Variants in CSMD3 observed in about 807,000 individuals in gnomAD.
The protein encoded by CSMD3 is CUB and sushi domain-containing protein 3.
Under a neutral mutation model 435.2 loss-of-function variants are expected in CSMD3, and 177 were observed. The ratio of observed to expected loss-of-function variants is 0.41; its 90% confidence interval spans 0.36 to 0.46. CSMD3 has a LOEUF of 0.46. Ranked by LOEUF, CSMD3 falls within the 20% of genes least tolerant of loss-of-function variation. The pLI is 0.34. For synonymous variants in CSMD3, 1,656 were observed against 1,520.5 expected (o/e 1.09, Z -2.07); for missense variants, 4,265 against 4,504.6 (o/e 0.95, Z 1.52).
chr8:113,085,913 TAGA>T (rs2089749952), intron 5 of CSMD3, among the ~76,000 whole-genome samples: 1 of 152,114 alleles, frequency 6.6e-6, no homozygotes, highest in Non-Finnish European at 1.5e-5. Flanking sequence ...TTCAAAAAGC[TAGA>T]AGAAAGGATT....
chr8:112,690,796 C>G (rs914901137), intron 13 of CSMD3, among the ~76,000 whole-genome samples: 1 of 151,898 alleles, frequency 6.6e-6, no homozygotes, highest in Non-Finnish European at 1.5e-5. Context: ...TGAATGTTAG[C>G]AGTAAATTAT....
intron 4 of CSMD3, among the ~76,000 whole-genome samples, chr8:113,129,932 T>A (rs140830539): frequency 2.0e-5 from 3 of 151,960 alleles, no homozygotes; most frequent in African/African-American, 7.2e-5. Context: ...ATTTTACTTA[T>A]ATATGCTAAT....
intron 10 of CSMD3, among the ~76,000 whole-genome samples, chr8:112,890,087 C>A (rs954686575): frequency 2.0e-5 from 3 of 151,662 alleles, no homozygotes; most frequent in Non-Finnish European, 4.4e-5. Context: ...ACAATTTTTA[C>A]AGTGTCACAG....
At chr8:113,370,282 T>C (rs1335601129) in intron 1 of CSMD3, among the ~76,000 whole-genome samples, 1 of 151,672 alleles carries the variant, frequency 6.6e-6, no homozygotes, top group African/African-American at 2.4e-5. Flanking sequence ...AAACAATGTT[T>C]ACACACAGAA....
chr8:112,342,601 C>T (rs1825227596), intron 41 of CSMD3, among the ~76,000 whole-genome samples: 1 of 152,012 alleles, frequency 6.6e-6, no homozygotes, highest in Non-Finnish European at 1.5e-5. Context: ...AGAAGTAAGA[C>T]ACATGTAAAG....
At chr8:113,194,460 A>G (rs2092628154) in intron 3 of CSMD3, among the ~76,000 whole-genome samples, 1 of 151,354 alleles carries the variant, frequency 6.6e-6, no homozygotes, top group South Asian at 2.1e-4. Flanking sequence ...TTTTATAGGA[A>G]ACTATGATGG....
In CSMD3 at chr8:112,969,627, GT is replaced by G. The variant is rs569643719; in HGVS notation, c.1342+6209del. ...TTATTTAATTCCATAAGATGTTGTA[GT>G]TATCTAAGTTAAATTCCCATCGGGA... On this transcript the variant is annotated intron_variant, in intron 7 of 70. Coordinates refer to ENST00000297405, the MANE Select transcript of CSMD3 (RefSeq NM_198123.2). Among the ~76,000 whole-genome samples, 14 of 152,004 alleles carry G rather than the reference GT, an allele frequency of 9.2e-5. No individual in the cohort carries two copies. The East Asian group carries it at 2.7e-3, about 29-fold the overall frequency.
intron 21 of CSMD3, 109 bp downstream of exon 21, chr8:112,638,587 T>C (rs2074730178): frequency 1.4e-6 from 1 of 719,280 alleles, no homozygotes; most frequent in South Asian, 1.6e-5. Context: ...TTAAAATTTT[T>C]CTTCTCTCCA....
intron 53 of CSMD3, among the ~76,000 whole-genome samples, chr8:112,297,038 G>A (rs76543013): frequency 0.2 from 30,316 of 149,924 alleles, 3,630 homozygotes; most frequent in East Asian, 0.36. Context: ...CTAACACAAG[G>A]TAAAAATATA....
At chr8:112,319,306 G>A (rs554538665) in intron 46 of CSMD3, among the ~76,000 whole-genome samples, 103 of 152,156 alleles carry the variant, frequency 6.8e-4, no homozygotes, top group African/African-American at 2.2e-3. Context: ...ATCGGTCACT[G>A]ATAGTTTCTT....
chr8:112,338,795 A>G (rs2130973763), intron 42 of CSMD3, among the ~76,000 whole-genome samples: 1 of 152,300 alleles, frequency 6.6e-6, no homozygotes, highest in East Asian at 1.9e-4. Flanking sequence ...AATATATTAG[A>G]AAGAGTTCTT....
intron 10 of CSMD3, among the ~76,000 whole-genome samples, chr8:112,883,792 T>C (rs1260465122): frequency 6.6e-6 from 1 of 151,960 alleles, no homozygotes; most frequent in East Asian, 1.9e-4. Flanking sequence ...AATTATTTCA[T>C]ATGTCTGTTT....
intron 59 of CSMD3, among the ~76,000 whole-genome samples, chr8:112,276,622 G>A (rs1434110965): frequency 1.3e-5 from 2 of 151,990 alleles, no homozygotes; most frequent in Non-Finnish European, 2.9e-5. Flanking sequence ...TTGGTGCCCT[G>A]CATCCAAGCC....
chr8:112,743,118 G>A (rs1226697907), intron 13 of CSMD3, among the ~76,000 whole-genome samples: 2 of 151,996 alleles, frequency 1.3e-5, no homozygotes, highest in Admixed American at 1.3e-4. Context: ...GTGTATTTGT[G>A]TGTGACTGAA....
intron 32 of CSMD3, among the ~76,000 whole-genome samples, chr8:112,410,578 A>ATATG (rs1832256390): frequency 2.6e-5 from 3 of 117,244 alleles, no homozygotes; most frequent in Non-Finnish European, 5.3e-5. Context: ...TACTATGTAT[A>ATATG]TACATACATA....
intron 6 of CSMD3, among the ~76,000 whole-genome samples, chr8:112,990,713 C>A (rs1317077239): frequency 6.6e-6 from 1 of 151,754 alleles, no homozygotes; most frequent in Non-Finnish European, 1.5e-5. Flanking sequence ...AGGAATATCA[C>A]AGAAACTTAG....
At chr8:112,681,573 A>C (rs1395343273) in intron 16 of CSMD3, among the ~76,000 whole-genome samples, 2 of 152,156 alleles carry the variant, frequency 1.3e-5, no homozygotes, top group Admixed American at 6.6e-5. Context: ...GAGTGTATAT[A>C]TACAAAAATA....
chr8:112,586,247 G>A (rs1194595879), intron 23 of CSMD3, among the ~76,000 whole-genome samples: 2 of 151,066 alleles, frequency 1.3e-5, no homozygotes, highest in African/African-American at 2.4e-5. Flanking sequence ...CAAGATTTGT[G>A]AAAACAGAAG....
chr8:112,989,389 A>G (rs1225103125), intron 6 of CSMD3, among the ~76,000 whole-genome samples: 1 of 151,942 alleles, frequency 6.6e-6, no homozygotes, highest in Non-Finnish European at 1.5e-5. Context: ...CTATGTTTCT[A>G]TGAAACAATA....
Sources: gnomAD v4.1 joint callset for allele counts (sites outside exome capture counted in the v4.1 genomes callset) on GRCh38, gnomAD v4.1.1 for gene constraint, MANE v1.5 for transcripts, NCBI Gene and HGNC (gene_info 2026-07-23, HGNC 2026-07-21) for gene names.